Variants in CYTH4 observed in about 807,000 individuals in gnomAD.
The protein encoded by CYTH4 is cytohesin-4.
CYTH4 carries 22 observed loss-of-function variants against 57.5 expected under a neutral mutation model. That is an observed-to-expected ratio of 0.38 (90% CI 0.27 to 0.55). CYTH4 has a LOEUF of 0.55. Ranked by LOEUF, CYTH4 falls within the 20% of genes least tolerant of loss-of-function variation. The pLI is 0.74. For missense variants in CYTH4, 420 were observed against 535.6 expected, an observed-to-expected ratio of 0.78 and a Z score of 2.13; for synonymous variants, 186 against 206.5, an observed-to-expected ratio of 0.90 and a Z score of 0.85.
chr22:37,313,449 ACCCGTGTC>A lies in CYTH4; in HGVS notation c.1127_1134del (p.Arg376LeufsTer85). On this transcript the variant is annotated frameshift_variant, in exon 13 of 13. Transcript: ENST00000248901. LOFTEE classifies it high-confidence loss of function. ...TCCCACTCATTCTAGAGCCAGCATC[ACCCGTGTC>A]CCCTTCTACGACCTGGTCTCTACTC... 1 of 1,614,048 alleles carries A rather than the reference ACCCGTGTC, an allele frequency of 6.2e-7. No individual in the cohort carries two copies. Among genetic ancestry groups the A allele is most frequent in the Non-Finnish European group, 8.5e-7 (1 of 1,179,964 alleles).
At chr22:37,291,312 G>A (rs556873937) in intron 1 of CYTH4, among the ~76,000 whole-genome samples, 2 of 152,166 alleles carry the variant, frequency 1.3e-5, no homozygotes, top group Non-Finnish European at 1.5e-5. Context: ...CTGCATCTCC[G>A]CATGGGGCTT....
rs1928926938 is a variant in CYTH4 at position 37,295,514 on chromosome 22, C to T, written c.168-485C>T. 1.3e-5 allele frequency among the ~76,000 whole-genome samples: 2 copies of T among 152,346 alleles called. No individual in the cohort carries two copies. Among genetic ancestry groups the T allele is most frequent in the Middle Eastern group, 3.4e-3 (1 of 294 alleles). Reference sequence around the variant, plus strand: ...CAGCCACAACAATGACAACATAACACACCTACGCCTCACTGTTTTAGGTGC... The same window carrying T: ...CAGCCACAACAATGACAACATAACATACCTACGCCTCACTGTTTTAGGTGC... On this transcript the variant is annotated intron_variant, in intron 3 of 12. Coordinates refer to ENST00000248901, the MANE Select transcript of CYTH4 (RefSeq NM_013385.5). This position sits in a 1 kb window ranked among gnomAD's most constrained non-coding sequence, Gnocchi z 4.1.
Position 37,292,627 on chromosome 22 carries a change from C to A in CYTH4, c.26C>A (p.Ala9Glu), listed in dbSNP as rs373346288. MDLCHPEP[A>E]ELSSGETEEL... ...GCCGGTTGTCTCTCTGTAGAGCCCGCGGAGCTGAGCAGCGGGGAGACGGAA... is the reference window on the plus strand; with the variant it reads ...GCCGGTTGTCTCTCTGTAGAGCCCGAGGAGCTGAGCAGCGGGGAGACGGAA... Residue 9 changes from alanine (A) to glutamate (E), a missense_variant, in exon 2 of 13, where the codon GCG (alanine) becomes GAG (glutamate). Transcript: ENST00000248901. 2.2e-5 allele frequency: 36 copies of A among 1,613,638 alleles called. No homozygotes were observed. The African/African-American group carries it at 3.6e-4, about 16-fold the overall frequency.
intron 6 of CYTH4, 96 bp from the exon 7 acceptor site, chr22:37,300,811 G>A: frequency 1.0e-6 from 1 of 986,534 alleles, no homozygotes; most frequent in Non-Finnish European, 1.5e-6. Flanking sequence ...CCCATTTACA[G>A]GATACAGAGA....
At chr22:37,282,707 G>A (rs1464320201) in intron 1 of CYTH4, 119 bp downstream of exon 1, 1 of 909,042 alleles carries the variant, frequency 1.1e-6, no homozygotes, top group Non-Finnish European at 1.6e-6. Flanking sequence ...AAATGCAGCT[G>A]CAAGAAGCAA....
At chr22:37,299,848 G>C (rs560112708) in intron 6 of CYTH4, among the ~76,000 whole-genome samples, 1 of 152,092 alleles carries the variant, frequency 6.6e-6, no homozygotes, top group Admixed American at 6.5e-5. Flanking sequence ...AAAATTAGCC[G>C]GGCGTGGTGG....
In CYTH4 at chr22:37,311,208, G is replaced by A; in HGVS notation, c.885+144G>A. On this transcript the variant is annotated intron_variant, in intron 10 of 12. Coordinates refer to ENST00000248901, the MANE Select transcript of CYTH4 (RefSeq NM_013385.5). This position sits in a 1 kb window ranked among gnomAD's most constrained non-coding sequence, Gnocchi z 4.4. The stretch of plus-strand genomic sequence containing the variant: ...CCCTCCATGCCCATTTTACAGATGG[G>A]GAAAACGGGTACACAGAGGAGGGCC... The A allele has an allele frequency of 9.7e-7, 1 of 1,028,132 alleles. No homozygotes were observed. The highest frequency in any genetic ancestry group is 1.5e-6 in the Non-Finnish European group (1 of 683,548). 63.7% of individuals were successfully genotyped at this position (1,028,132 alleles called of 1,614,324 possible). A position where few individuals can be genotyped will look rare whatever the true frequency, so the allele number is the denominator to read the frequency against.
Position 37,311,084 on chromosome 22 carries a change from GC to G in CYTH4, c.885+22del. 6.2e-7 allele frequency: 1 copy of G among 1,612,240 alleles called. No individual in the cohort carries two copies. The highest frequency in any genetic ancestry group is 1.1e-5 in the South Asian group (1 of 91,058). On this transcript the variant is annotated intron_variant, in intron 10 of 12. Transcript: ENST00000248901. The surrounding 1 kb of genome is among the most constrained non-coding windows in gnomAD (Gnocchi z 4.4). Reference sequence around the variant, plus strand: ...ACCACTGTGAGCAGGGTTCTCCTGGGCCTTCCCCTGCCCCCGCCTCTCCCCG... The same window carrying G: ...ACCACTGTGAGCAGGGTTCTCCTGGGCTTCCCCTGCCCCCGCCTCTCCCCG...
intron 1 of CYTH4, among the ~76,000 whole-genome samples, chr22:37,283,568 ACC>A (rs931729526): frequency 7.1e-5 from 9 of 126,966 alleles, no homozygotes; most frequent in African/African-American, 2.7e-4. Context: ...CTTCCTCCCC[ACC>A]CCCAGATGGA....
intron 9 of CYTH4, among the ~76,000 whole-genome samples, chr22:37,310,554 A>G (rs958366088): frequency 2.0e-5 from 3 of 152,216 alleles, no homozygotes; most frequent in African/African-American, 2.4e-5. Context: ...GGGGTTAACA[A>G]TGGTCTCCTC....
intron 8 of CYTH4, 45 bp from the exon 9 acceptor site, chr22:37,309,167 G>C (rs767240059): frequency 6.3e-7 from 1 of 1,586,834 alleles, no homozygotes; most frequent in Non-Finnish European, 8.6e-7. Flanking sequence ...CCTTGGACTC[G>C]GGTGGACTCA....
rs1282857093 is a variant in CYTH4, at chr22:37,295,080, G to A, written c.167+356G>A. 6.6e-6 allele frequency among the ~76,000 whole-genome samples: 1 copy of A among 152,184 alleles called. No homozygotes were observed. Among genetic ancestry groups the A allele is most frequent in the Non-Finnish European group, 1.5e-5 (1 of 68,026 alleles). The stretch of plus-strand genomic sequence containing the variant: ...CCAAGGGCAAGGACAAGGAAGCCCA[G>A]GGCCCCAGGAGGACAGGAGCCTGGC... On this transcript the variant is annotated intron_variant, in intron 3 of 12. Transcript: ENST00000248901. This position sits in a 1 kb window ranked among gnomAD's most constrained non-coding sequence, Gnocchi z 4.1.
At chr22:37,308,659 T>G (rs1212042790) in intron 8 of CYTH4, among the ~76,000 whole-genome samples, 1 of 151,904 alleles carries the variant, frequency 6.6e-6, no homozygotes, top group Non-Finnish European at 1.5e-5. Context: ...TGTGTGCATA[T>G]ATGTGTGAGC....
At position 37,311,540 on chromosome 22, in the gene CYTH4, G is replaced by A. The variant is rs1426313943; in HGVS notation, c.957+13G>A. 6.2e-7 allele frequency: 1 copy of A among 1,613,510 alleles called. No homozygotes were observed. Among genetic ancestry groups the A allele is most frequent in the South Asian group, 1.1e-5 (1 of 91,080 alleles). ...CCCCAAGAAGCCAGTAGGTGTTCAG[G>A]TTGCAGGATCCCGAGGCTGGAGCCA... On this transcript the variant is annotated intron_variant, in intron 11 of 12. Transcript: ENST00000248901. The surrounding 1 kb of genome is among the most constrained non-coding windows in gnomAD (Gnocchi z 4.4).
intron 2 of CYTH4, 38 bp downstream of exon 2, chr22:37,292,741 C>A (rs1353574743): frequency 1.9e-6 from 3 of 1,599,362 alleles, no homozygotes; most frequent in East Asian, 4.5e-5. Flanking sequence ...TGTCCATGCC[C>A]ACACTCCTGC....
At chr22:37,287,138 G>A (rs1928588128) in intron 1 of CYTH4, among the ~76,000 whole-genome samples, 1 of 152,074 alleles carries the variant, frequency 6.6e-6, no homozygotes, top group South Asian at 2.1e-4. Context: ...GAGCGGTGGT[G>A]ACCAATACAT....
At chr22:37,304,580 A>G (rs1929328684) in intron 8 of CYTH4, among the ~76,000 whole-genome samples, 2 of 152,194 alleles carry the variant, frequency 1.3e-5, no homozygotes, top group South Asian at 4.1e-4. Context: ...AGCACCGAGT[A>G]TACCTCCTGC....
chr22:37,303,278 CCAT>C lies in CYTH4; in HGVS notation c.579_581del (p.Ile193del), dbSNP rs1929255065. On this transcript the variant is annotated inframe_deletion, in exon 8 of 13. Coordinates refer to ENST00000248901, the MANE Select transcript of CYTH4 (RefSeq NM_013385.5). ...GACACCTGCTACGTGTTGTCCTTCT[CCAT>C]CATCATGCTCAACACCAGCCTCCAC... 6.2e-7 allele frequency: 1 copy of C among 1,614,214 alleles called. No homozygotes were observed. Among genetic ancestry groups the C allele is most frequent in the Non-Finnish European group, 8.5e-7 (1 of 1,180,040 alleles).
At chr22:37,308,729 T>C (rs1273844934) in intron 8 of CYTH4, among the ~76,000 whole-genome samples, 1 of 151,900 alleles carries the variant, frequency 6.6e-6, no homozygotes, top group African/African-American at 2.4e-5. Context: ...TGCGTGTATG[T>C]ATGAGTATGC....
Sources: allele counts gnomAD v4.1 joint callset (sites outside exome capture counted in the v4.1 genomes callset), GRCh38; gene constraint gnomAD v4.1.1; non-coding constraint Gnocchi (gnomAD v3.1); transcripts MANE v1.5; gene names NCBI Gene and HGNC (gene_info 2026-07-23, HGNC 2026-07-21).